ADAMTS6: variants seen among roughly 807,000 people sequenced by gnomAD.
ADAMTS6 encodes the protein A disintegrin and metalloproteinase with thrombospondin motifs 6.
ADAMTS6 carries 23 observed loss-of-function variants against 144.3 expected under a neutral mutation model. That is an observed-to-expected ratio of 0.16 (90% CI 0.11 to 0.23). ADAMTS6 has a LOEUF of 0.23. ADAMTS6 is among the 10% of genes least tolerant of loss of function. ADAMTS6 has a pLI of 1.00. For missense variants in ADAMTS6, 999 were observed against 1,379.6 expected, an observed-to-expected ratio of 0.72 and a Z score of 4.37; for synonymous variants, 444 against 457.5, an observed-to-expected ratio of 0.97 and a Z score of 0.38.
At chr5:65,158,205 G>A (rs1028914809) in intron 24 of ADAMTS6, among the ~76,000 whole-genome samples, 3 of 152,074 alleles carry the variant, frequency 2.0e-5, no homozygotes, top group South Asian at 2.1e-4. Context: ...GACCTTTATC[G>A]TTCCTTTACT....
rs544690077 is a variant in ADAMTS6 at position 65,161,473 on chromosome 5, A to T, written c.3244+9144T>A. On this transcript the variant is annotated intron_variant, in intron 24 of 24. Transcript: ENST00000381055. Reference sequence around the variant, plus strand: ...GTTTTTCCAACTATGTGTTATATAGATGGCTTACTGATTACTTAGTCTATG... The same window carrying T: ...GTTTTTCCAACTATGTGTTATATAGTTGGCTTACTGATTACTTAGTCTATG... Among the ~76,000 whole-genome samples the T allele has an allele frequency of 3.3e-5, 5 of 152,310 alleles. No individual in the cohort carries two copies. In the South Asian group the frequency reaches 1.0e-3, roughly 32 times the overall value.
intron 7 of ADAMTS6, among the ~76,000 whole-genome samples, chr5:65,424,281 A>G (rs1265243700): frequency 2.0e-5 from 3 of 152,188 alleles, no homozygotes; most frequent in Non-Finnish European, 2.9e-5. Flanking sequence ...TCCCCAAAAG[A>G]TCTACTACAG....
intron 14 of ADAMTS6, among the ~76,000 whole-genome samples, chr5:65,248,081 T>C (rs1033969260): frequency 1.3e-5 from 2 of 152,194 alleles, no homozygotes; most frequent in African/African-American, 2.4e-5. Flanking sequence ...AAAGGTACCA[T>C]ATGCGCTAAC....
In ADAMTS6 at chr5:65,455,410, C is replaced by A. The variant is rs527833369; in HGVS notation, c.632-2492G>T. ...TACAAAAATTAGCCAGATGTGGTGG[C>A]AGGCGCCTGTAATCCCAGCTGCTCA... On this transcript the variant is annotated intron_variant, in intron 4 of 24. Transcript: ENST00000381055. 2.6e-5 allele frequency among the ~76,000 whole-genome samples: 4 copies of A among 152,222 alleles called. No homozygotes were observed. The East Asian group carries it at 7.7e-4, about 29-fold the overall frequency.
chr5:65,461,100 T>G (rs1451469707), intron 3 of ADAMTS6, among the ~76,000 whole-genome samples: 1 of 152,196 alleles, frequency 6.6e-6, no homozygotes. Flanking sequence ...TGCCCTTACT[T>G]ACAGTATTAT....
intron 14 of ADAMTS6, among the ~76,000 whole-genome samples, chr5:65,253,277 A>C (rs1202680649): frequency 6.6e-6 from 1 of 152,220 alleles, no homozygotes. Flanking sequence ...GCAATAAATA[A>C]AGAACTCTCG....
intron 11 of ADAMTS6, among the ~76,000 whole-genome samples, chr5:65,276,920 G>A (rs1005970004): frequency 2.7e-4 from 41 of 152,168 alleles, no homozygotes; most frequent in Admixed American, 2.6e-3. Context: ...AATCCTGATA[G>A]AAGTTAAGAT....
At chr5:65,357,216 G>T (rs1749399106) in intron 7 of ADAMTS6, among the ~76,000 whole-genome samples, 1 of 151,650 alleles carries the variant, frequency 6.6e-6, no homozygotes, top group African/African-American at 2.4e-5. Flanking sequence ...AACCACCAAT[G>T]GGTCAAAAAA....
At chr5:65,295,048 C>A (rs1266759102) in intron 10 of ADAMTS6, among the ~76,000 whole-genome samples, 1 of 151,952 alleles carries the variant, frequency 6.6e-6, no homozygotes, top group Non-Finnish European at 1.5e-5. Context: ...CTAATTGTAG[C>A]CTGTTCATTT....
In ADAMTS6 at chr5:65,273,385, T is replaced by C; in HGVS notation, c.1575A>G (p.Pro525=). The C allele has an allele frequency of 1.2e-6, 2 of 1,614,018 alleles. No individual in the cohort carries two copies. Among genetic ancestry groups the C allele is most frequent in the Non-Finnish European group, 1.7e-6 (2 of 1,179,878 alleles). Reference sequence around the variant, plus strand: ...TTTGACACAGTGTCCCCTCAGCTGCTGGAATACTGTTGGTGACACAGCGGT... The same window carrying C: ...TTTGACACAGTGTCCCCTCAGCTGCCGGAATACTGTTGGTGACACAGCGGT... ...KSNRCVTNSI[P]AAEGTLCQTG... Residue 525 remains proline (P), a synonymous_variant, in exon 12 of 25, where the codon CCA becomes CCG. Transcript: ENST00000381055.
At chr5:65,243,606 A>G (rs1189314806) in intron 14 of ADAMTS6, among the ~76,000 whole-genome samples, 2 of 152,050 alleles carry the variant, frequency 1.3e-5, no homozygotes, top group African/African-American at 4.8e-5. Flanking sequence ...AATATTTACC[A>G]TAGGCTAGTA....
chr5:65,413,643 C>T (rs926737487), intron 7 of ADAMTS6, among the ~76,000 whole-genome samples: 19 of 152,068 alleles, frequency 1.2e-4, no homozygotes, highest in African/African-American at 2.6e-4. Flanking sequence ...AACCTGATGC[C>T]ATAATGTTAA....
chr5:65,187,752 A>C (rs1754759706), intron 22 of ADAMTS6, among the ~76,000 whole-genome samples: 1 of 152,146 alleles, frequency 6.6e-6, no homozygotes, highest in Non-Finnish European at 1.5e-5. Flanking sequence ...AACCACTTAT[A>C]AGAGTACCCA....
chr5:65,440,384 G>A (rs1757771931), intron 7 of ADAMTS6, among the ~76,000 whole-genome samples: 1 of 152,154 alleles, frequency 6.6e-6, no homozygotes, highest in African/African-American at 2.4e-5. Flanking sequence ...AACAAAGTGA[G>A]CCCTAAGATT....
At chr5:65,469,073 T>C (rs546559939) in intron 3 of ADAMTS6, among the ~76,000 whole-genome samples, 11 of 152,368 alleles carry the variant, frequency 7.2e-5, no homozygotes, top group African/African-American at 2.6e-4. Flanking sequence ...CTTTCTCTCC[T>C]GTATCTCACA....
At chr5:65,162,117 C>A (rs3096139) in intron 24 of ADAMTS6, among the ~76,000 whole-genome samples, 152,340 of 152,340 alleles carry the variant, frequency 1, 76,170 homozygotes, top group Non-Finnish European at 1. Context: ...TTAAGGCAGA[C>A]ATTAGCACAG....
At position 65,183,695 on chromosome 5, in the gene ADAMTS6, G is replaced by A. The variant is rs187619813; in HGVS notation, c.2910+4321C>T. 3.2e-4 allele frequency among the ~76,000 whole-genome samples: 48 copies of A among 151,976 alleles called. No homozygotes were observed. The East Asian group carries it at 7.0e-3, about 22-fold the overall frequency. On this transcript the variant is annotated intron_variant, in intron 22 of 24. Coordinates refer to ENST00000381055, the MANE Select transcript of ADAMTS6 (RefSeq NM_197941.4). ...TTTCTAGAAAAGCAAGATGAGCCAC[G>A]GTTACGTATGTATAGACATGTATGT... is the stretch of plus-strand genomic sequence containing the variant.
intron 15 of ADAMTS6, among the ~76,000 whole-genome samples, chr5:65,230,920 C>G (rs1758188781): frequency 6.9e-6 from 1 of 145,140 alleles, no homozygotes; most frequent in African/African-American, 2.5e-5. Flanking sequence ...TCAAAGCATA[C>G]TACTACAGAA....
chr5:65,191,172 C>T (rs1327935356), intron 21 of ADAMTS6, among the ~76,000 whole-genome samples: 2 of 152,118 alleles, frequency 1.3e-5, no homozygotes, highest in Non-Finnish European at 2.9e-5. Context: ...TTCACAAGTC[C>T]TTCATAGCTA....
Sources: gnomAD v4.1 joint callset for allele counts (sites outside exome capture counted in the v4.1 genomes callset) on GRCh38, gnomAD v4.1.1 for gene constraint, MANE v1.5 for transcripts, NCBI Gene and HGNC (gene_info 2026-07-23, HGNC 2026-07-21) for gene names.